KIAA1549: variants seen among roughly 807,000 people sequenced by gnomAD.
KIAA1549 encodes UPF0606 protein KIAA1549.
In KIAA1549, 70 loss-of-function variants were observed where a neutral mutation model predicts 156.4. The observed-to-expected ratio is 0.45, with a 90% CI of 0.37 to 0.55. The LOEUF (loss-of-function observed/expected upper bound fraction) is 0.55, where lower values mean the gene tolerates loss of function less well. Ranked by LOEUF, KIAA1549 falls within the 20% of genes least tolerant of loss-of-function variation. KIAA1549 has a pLI of 0.00. For missense variants in KIAA1549, 2,428 were observed against 2,540.9 expected (o/e 0.96, Z 0.96); for synonymous variants, 1,103 against 1,066.4 (o/e 1.03, Z -0.67).
intron 17 of KIAA1549, among the ~76,000 whole-genome samples, chr7:138,844,894 G>T (rs6467811): frequency 0.71 from 107,147 of 150,882 alleles, 38,306 homozygotes; most frequent in East Asian, 0.91. Context: ...TTTTGAGACA[G>T]AGTCTCGCTC....
At chr7:138,853,448 G>C (rs556164171) in intron 16 of KIAA1549, among the ~76,000 whole-genome samples, 1 of 152,262 alleles carries the variant, frequency 6.6e-6, no homozygotes, top group Non-Finnish European at 1.5e-5. Context: ...ACTGCCCATG[G>C]TTTCCAAAAC....
At chr7:138,939,386 G>C (rs11983333) in intron 1 of KIAA1549, among the ~76,000 whole-genome samples, 1 of 151,962 alleles carries the variant, frequency 6.6e-6, no homozygotes, top group Non-Finnish European at 1.5e-5. Flanking sequence ...GTGTCTCTTA[G>C]GTCTCTTTTA....
chr7:138,901,049 T>C (rs1044588706), intron 8 of KIAA1549, among the ~76,000 whole-genome samples: 43 of 152,222 alleles, frequency 2.8e-4, no homozygotes, highest in Admixed American at 7.9e-4. Context: ...GGAACCCTTA[T>C]AACCATGGGA....
At chr7:138,854,064 A>C (rs1293357994) in intron 16 of KIAA1549, among the ~76,000 whole-genome samples, 1 of 152,184 alleles carries the variant, frequency 6.6e-6, no homozygotes. Context: ...TGCCCTGATG[A>C]AAAGGTTTAA....
At chr7:138,925,954 C>T (rs1167754115) in intron 1 of KIAA1549, among the ~76,000 whole-genome samples, 1 of 152,040 alleles carries the variant, frequency 6.6e-6, no homozygotes, top group Non-Finnish European at 1.5e-5. Flanking sequence ...GACTCTGAAG[C>T]CCCGCAGTCC....
chr7:138,909,458 G>A (rs1812107327), intron 4 of KIAA1549, among the ~76,000 whole-genome samples: 1 of 152,176 alleles, frequency 6.6e-6, no homozygotes, highest in Non-Finnish European at 1.5e-5. Flanking sequence ...TGGGTGAAAT[G>A]ACATGATACC....
At chr7:138,921,009 C>T (rs763300406) in intron 1 of KIAA1549, among the ~76,000 whole-genome samples, 1 of 152,166 alleles carries the variant, frequency 6.6e-6, no homozygotes, top group Non-Finnish European at 1.5e-5. Flanking sequence ...AAAACAGGAG[C>T]TGCTCAAGGG....
At chr7:138,968,895 ATAATATTTTCTTCT>A (rs898576493) in intron 1 of KIAA1549, among the ~76,000 whole-genome samples, 3 of 151,604 alleles carry the variant, frequency 2.0e-5, no homozygotes, top group Admixed American at 6.6e-5. Flanking sequence ...TTGTGCTCCA[ATAATATTTTCTTCT>A]TAATATTTTC....
At chr7:138,914,170 C>T (rs1419931747) in intron 2 of KIAA1549, among the ~76,000 whole-genome samples, 1 of 152,122 alleles carries the variant, frequency 6.6e-6, no homozygotes, top group Non-Finnish European at 1.5e-5. Context: ...CAGCTAAAGA[C>T]ATCATCGGTC....
At chr7:138,934,631 C>A (rs1386391192) in intron 1 of KIAA1549, among the ~76,000 whole-genome samples, 1 of 152,146 alleles carries the variant, frequency 6.6e-6, no homozygotes, top group Non-Finnish European at 1.5e-5. Context: ...CCTGGAGGAG[C>A]CATTTCACAT....
chr7:138,901,326 A>ATTT (rs55728739), intron 8 of KIAA1549, among the ~76,000 whole-genome samples: 3 of 132,866 alleles, frequency 2.3e-5, no homozygotes, highest in Non-Finnish European at 1.6e-5. Flanking sequence ...CTTGAGTTTT[A>ATTT]TTTTTTTTTT....
chr7:138,902,261 G>A (rs1309725877), intron 8 of KIAA1549, among the ~76,000 whole-genome samples: 1 of 152,128 alleles, frequency 6.6e-6, no homozygotes, highest in Non-Finnish European at 1.5e-5. Context: ...AAAAGGGCTA[G>A]AGGACGATGA....
In KIAA1549 at chr7:138,881,340, A is replaced by T. The variant is rs368400456; in HGVS notation, c.4229+48T>A. ...CATCAGAAACTCACAGCCTGATAAC[A>T]GAAGCATGCTCTGCAACAAAGAATA... On this transcript the variant is annotated intron_variant, in intron 11 of 19. Transcript: ENST00000422774. 194 of 1,556,940 alleles carry T rather than the reference A, an allele frequency of 1.2e-4. 1 individual carries two copies. In the African/African-American group the frequency reaches 2.4e-3, roughly 20 times the overall value.
chr7:138,859,008 A>AACACACACACACACACACACAC (rs57352970), intron 16 of KIAA1549, among the ~76,000 whole-genome samples: 1 of 142,260 alleles, frequency 7.0e-6, no homozygotes, highest in Non-Finnish European at 1.5e-5. Flanking sequence ...TCCATCTCAA[A>AACACACACACACACACACACAC]ACACACACAC....
intron 7 of KIAA1549, among the ~76,000 whole-genome samples, chr7:138,904,599 T>C (rs1811953134): frequency 7.6e-6 from 1 of 131,082 alleles, no homozygotes. Context: ...TACCTCTAAA[T>C]ATCTGACCCA....
rs914714655 is a variant in KIAA1549, at chr7:138,861,374, G to A, written c.5012C>T (p.Ser1671Phe). The change falls in exon 16 of 20, where the codon TCC (serine) becomes TTC (phenylalanine). Residue 1671 changes from serine (S) to phenylalanine (F), a missense_variant. Physicochemically the swap from Ser to Phe is radical, Grantham distance 155 (BLOSUM62 -2). This residue lies in a region of KIAA1549 where 404 missense variants were observed against 417.0 expected (regional missense o/e 0.97). Transcript: ENST00000422774. ...GGACGGCTGGGGTGGGATGTACTGG[G>A]AGGCCGGGAAGGGAAGGGCTGGATA... Reference protein sequence around the residue: ...GRYPALPFPASQYIPPQPSIE... With the variant: ...GRYPALPFPAFQYIPPQPSIE... The A allele has an allele frequency of 2.5e-6, 4 of 1,611,598 alleles. No homozygotes were observed. The highest frequency in any genetic ancestry group is 3.4e-6 in the Non-Finnish European group (4 of 1,179,308).
chr7:138,934,063 C>T (rs77345023), intron 1 of KIAA1549, among the ~76,000 whole-genome samples: 3,254 of 152,230 alleles, frequency 0.021, 121 homozygotes, highest in African/African-American at 0.074. Flanking sequence ...TTGTTGTTGT[C>T]GTCGTTCTTA....
chr7:138,899,261 T>A, intron 8 of KIAA1549, 129 bp from the exon 9 acceptor site: 1 of 797,356 alleles, frequency 1.3e-6, no homozygotes, highest in Non-Finnish European at 2.1e-6. Context: ...CGTAAGCCAT[T>A]CAGGGGCCCA....
Position 138,836,683 on chromosome 7 carries a change from C to A in KIAA1549, c.*1223G>T. On this transcript the variant is annotated 3_prime_UTR_variant, in exon 20 of 20. Coordinates refer to ENST00000422774, the MANE Select transcript of KIAA1549 (RefSeq NM_001164665.2). ...TTAAGCGAGATGATCCCCTCTTAGC[C>A]CAAAGAGCATAAGACAATTTTAATA... is the stretch of plus-strand genomic sequence containing the variant. 4.6e-6 allele frequency: 1 copy of A among 218,394 alleles called. No homozygotes were observed. The highest frequency in any genetic ancestry group is 9.2e-6 in the Non-Finnish European group (1 of 108,726). The allele number at this position is 218,394 out of a possible 1,614,324, so 13.5% of individuals were successfully genotyped here.
Sources: allele counts gnomAD v4.1 joint callset (sites outside exome capture counted in the v4.1 genomes callset), GRCh38; gene constraint gnomAD v4.1.1; regional missense constraint gnomAD v4.1.1; transcripts MANE v1.5; gene names NCBI Gene and HGNC (gene_info 2026-07-23, HGNC 2026-07-21).